EXOC4: variants seen among roughly 807,000 people sequenced by gnomAD.
EXOC4 encodes the protein exocyst complex component 4.
Under a neutral mutation model 107.2 loss-of-function variants are expected in EXOC4, and 71 were observed. The ratio of observed to expected loss-of-function variants is 0.66; its 90% CI spans 0.55 to 0.81. EXOC4 has a LOEUF of 0.81. Ranked by LOEUF, EXOC4 falls within the 30% of genes least tolerant of loss-of-function variation. EXOC4 has a pLI of 0.00. For synonymous variants in EXOC4, 456 were observed against 441.2 expected (o/e 1.03, Z -0.42); for missense variants, 1,108 against 1,189.6 (o/e 0.93, Z 1.01).
At position 133,681,674 on chromosome 7, in the gene EXOC4, A is replaced by G. The variant is rs376574917; in HGVS notation, c.1514+51533A>G. ...TGGGAATTCTGGGAGATACAATTCAAGTTCAGATTTGGGTGGGCACACAGC... is the reference window on the plus strand; with the variant it reads ...TGGGAATTCTGGGAGATACAATTCAGGTTCAGATTTGGGTGGGCACACAGC... On this transcript the variant is annotated intron_variant, in intron 10 of 17. Coordinates refer to ENST00000253861, the MANE Select transcript of EXOC4 (RefSeq NM_021807.4). Among the ~76,000 whole-genome samples the G allele has an allele frequency of 7.9e-5, 12 of 151,920 alleles. No homozygotes were observed. The East Asian group carries it at 1.7e-3, about 22-fold the overall frequency.
chr7:133,718,293 G>A (rs1795038605), intron 10 of EXOC4, among the ~76,000 whole-genome samples: 1 of 152,282 alleles, frequency 6.6e-6, no homozygotes, highest in African/African-American at 2.4e-5. Context: ...ATTCTTATTG[G>A]TGGGGAATAC....
At chr7:133,332,249 G>A (rs1795411001) in intron 5 of EXOC4, among the ~76,000 whole-genome samples, 1 of 152,134 alleles carries the variant, frequency 6.6e-6, no homozygotes, top group South Asian at 2.1e-4. Flanking sequence ...AACCTAAAGA[G>A]AACACAAATT....
chr7:133,562,044 A>C (rs889872393), intron 9 of EXOC4, among the ~76,000 whole-genome samples: 8 of 152,260 alleles, frequency 5.3e-5, no homozygotes, highest in African/African-American at 1.7e-4. Flanking sequence ...GAAATATGCC[A>C]TAACAACTCA....
At chr7:133,936,195 G>A (rs143453122) in intron 13 of EXOC4, among the ~76,000 whole-genome samples, 26 of 152,234 alleles carry the variant, frequency 1.7e-4, no homozygotes, top group African/African-American at 5.3e-4. Context: ...CATTCCATGC[G>A]CTCGGTTCAC....
chr7:133,606,743 C>T (rs1209729761), intron 9 of EXOC4, among the ~76,000 whole-genome samples: 2 of 151,848 alleles, frequency 1.3e-5, no homozygotes, highest in Admixed American at 6.6e-5. Context: ...CTCGAACTCC[C>T]GACCTCAGGT....
intron 10 of EXOC4, among the ~76,000 whole-genome samples, chr7:133,737,395 C>CTT (rs1044229464): frequency 6.7e-6 from 1 of 149,318 alleles, no homozygotes; most frequent in Admixed American, 6.7e-5. Flanking sequence ...AGCCTTTAAA[C>CTT]TTTTTTTTTT....
chr7:133,651,338 A>G (rs903766107), intron 10 of EXOC4, among the ~76,000 whole-genome samples: 4 of 145,046 alleles, frequency 2.8e-5, no homozygotes, highest in Middle Eastern at 6.9e-3. Context: ...ATATCTTCAA[A>G]AAATTAAAAA....
intron 7 of EXOC4, among the ~76,000 whole-genome samples, chr7:133,417,306 T>G (rs1455620279): frequency 6.6e-6 from 1 of 152,218 alleles, no homozygotes; most frequent in Non-Finnish European, 1.5e-5. Flanking sequence ...TAGAGCTATC[T>G]AATCATAGAA....
At chr7:134,012,953 A>C (rs1327438649) in intron 17 of EXOC4, among the ~76,000 whole-genome samples, 1 of 152,222 alleles carries the variant, frequency 6.6e-6, no homozygotes, top group Non-Finnish European at 1.5e-5. Context: ...AATTAGCTCA[A>C]GACAGAGAAC....
At chr7:133,810,136 G>A (rs1797182914) in intron 10 of EXOC4, among the ~76,000 whole-genome samples, 1 of 152,132 alleles carries the variant, frequency 6.6e-6, no homozygotes, top group Admixed American at 6.6e-5. Flanking sequence ...TATTTAATAA[G>A]CAATTATTTT....
intron 5 of EXOC4, among the ~76,000 whole-genome samples, chr7:133,348,348 C>T (rs1049980632): frequency 6.6e-6 from 1 of 152,154 alleles, no homozygotes; most frequent in Non-Finnish European, 1.5e-5. Context: ...GGGGCTGTGT[C>T]ATTTTATTAT....
chr7:133,435,451 G>C (rs1375040159), intron 7 of EXOC4, among the ~76,000 whole-genome samples: 3 of 152,194 alleles, frequency 2.0e-5, no homozygotes, highest in Middle Eastern at 3.2e-3. Flanking sequence ...CAAAGGCAGA[G>C]AACCAAGGTG....
chr7:133,370,460 T>C (rs1185244594), intron 6 of EXOC4, among the ~76,000 whole-genome samples: 1 of 152,140 alleles, frequency 6.6e-6, no homozygotes, highest in African/African-American at 2.4e-5. Context: ...TTGCATTCTT[T>C]TGAGTTTCTG....
At position 133,960,973 on chromosome 7, in the gene EXOC4, G is replaced by A. The variant is rs1006764059; in HGVS notation, c.2206+22904G>A. 3.9e-5 allele frequency among the ~76,000 whole-genome samples: 6 copies of A among 152,132 alleles called. No individual in the cohort carries two copies. The East Asian group carries it at 7.7e-4, about 19-fold the overall frequency. On this transcript the variant is annotated intron_variant, in intron 14 of 17. Coordinates refer to ENST00000253861, the MANE Select transcript of EXOC4 (RefSeq NM_021807.4). ...CAAATGGCTCCCCAACGATGTCCAC[G>A]TCCTAATCCCCAGAACCTACAAAAA...
At position 134,041,193 on chromosome 7, in the gene EXOC4, A is replaced by AAT. The variant is rs200615015; in HGVS notation, c.2688-23089_2688-23088dup. ...TAACATAAACTGCTTTAGTCAGCAA[A>AAT]ATATATATATCATCTTTGCCTTGGT... On this transcript the variant is annotated intron_variant, in intron 17 of 17. Coordinates refer to ENST00000253861, the MANE Select transcript of EXOC4 (RefSeq NM_021807.4). 6.6e-3 allele frequency among the ~76,000 whole-genome samples: 1,007 copies of AAT among 152,236 alleles called. 7 individuals carry two copies. Among genetic ancestry groups the AAT allele is most frequent in the African/African-American group, 0.022 (919 of 41,544 alleles).
chr7:133,636,675 A>G (rs1802719978), intron 10 of EXOC4, among the ~76,000 whole-genome samples: 1 of 152,234 alleles, frequency 6.6e-6, no homozygotes. Context: ...TCTGTTGAAC[A>G]CTGCTGGAAT....
At chr7:133,484,329 C>A in intron 9 of EXOC4, 1 of 549,528 alleles carries the variant, frequency 1.8e-6, no homozygotes, top group Admixed American at 3.5e-5. Flanking sequence ...GTGTGAGATA[C>A]CAGGTGGAGA....
At chr7:134,067,634 T>TACACACACAC (rs375285410), downstream of EXOC4, among the ~76,000 whole-genome samples, 2,349 of 133,554 alleles carry the variant, frequency 0.018, 47 homozygotes, top group African/African-American at 0.045. Context: ...CTTATATATA[T>TACACACACAC]ATATACACAC....
At chr7:133,449,216 G>T (rs527470736) in intron 7 of EXOC4, among the ~76,000 whole-genome samples, 1 of 152,258 alleles carries the variant, frequency 6.6e-6, no homozygotes, top group Non-Finnish European at 1.5e-5. Flanking sequence ...TGTACATGCC[G>T]TAGAACGCCA....
Sources: gnomAD v4.1 joint callset for allele counts (sites outside exome capture counted in the v4.1 genomes callset) on GRCh38, gnomAD v4.1.1 for gene constraint, MANE v1.5 for transcripts, NCBI Gene and HGNC (gene_info 2026-07-23, HGNC 2026-07-21) for gene names.